ALG9: variants seen among roughly 807,000 people sequenced by gnomAD.
The protein encoded by ALG9 is ALG9 alpha-1,2-mannosyltransferase.
Under a neutral mutation model 81.8 loss-of-function variants are expected in ALG9, and 55 were observed. The observed-to-expected ratio is 0.67, with a 90% CI of 0.54 to 0.84. The LOEUF is 0.84. ALG9 is among the 40% of genes least tolerant of loss of function. ALG9 has a pLI of 0.00. For missense variants in ALG9, 629 were observed against 745.0 expected, an observed-to-expected ratio of 0.84 and a Z score of 1.81; for synonymous variants, 278 against 274.3, an observed-to-expected ratio of 1.01 and a Z score of -0.13.
chr11:111,829,527 T>A (rs1036445009), intron 13 of ALG9, among the ~76,000 whole-genome samples: 1 of 152,186 alleles, frequency 6.6e-6, no homozygotes, highest in Admixed American at 6.5e-5. Context: ...ATCATCAATA[T>A]CACATTGTTT....
chr11:111,786,575 G>A (rs1330406495), intron 14 of ALG9, 55 bp from the exon 15 acceptor site: 1 of 1,567,746 alleles, frequency 6.4e-7, no homozygotes, highest in East Asian at 2.3e-5. Context: ...ATTTACTAAT[G>A]GTACTAAATG....
At chr11:111,773,325 A>G in the ALG9 span, among the ~76,000 whole-genome samples, 1 of 152,002 alleles carries the variant, frequency 6.6e-6, no homozygotes, top group African/African-American at 2.4e-5. Flanking sequence ...GCTCACTGCA[A>G]CTTCCACCTC....
chr11:111,826,886 T>G (rs1337909166), intron 13 of ALG9, among the ~76,000 whole-genome samples: 2 of 152,150 alleles, frequency 1.3e-5, no homozygotes, highest in Non-Finnish European at 2.9e-5. Flanking sequence ...ATTTTCTATC[T>G]CTTTGTTTTT....
chr11:111,868,477 T>C, intron 3 of ALG9, 125 bp downstream of exon 3: 1 of 1,218,318 alleles, frequency 8.2e-7, no homozygotes. Context: ...GTGAATTGGA[T>C]AAATGATTCT....
rs1209262889 is a variant in ALG9 at position 111,787,294 on chromosome 11, A to C, written c.1734-774T>G. 2.6e-5 allele frequency among the ~76,000 whole-genome samples: 4 copies of C among 151,870 alleles called. No individual in the cohort carries two copies. In the South Asian group the frequency reaches 8.4e-4, roughly 32 times the overall value. ...AAAAATACAAAAAAATTAGCCAGGC[A>C]TGGTGGTGCATGCCTGTAATCCCAG... is the stretch of plus-strand genomic sequence containing the variant. On this transcript the variant is annotated intron_variant, in intron 14 of 14. Coordinates refer to ENST00000616540, the MANE Select transcript of ALG9 (RefSeq NM_024740.2).
chr11:111,832,072 C>T, intron 13 of ALG9, among the ~76,000 whole-genome samples: 1 of 152,234 alleles, frequency 6.6e-6, no homozygotes, highest in South Asian at 2.1e-4. Flanking sequence ...TGTTATAAGC[C>T]ACATCCACCC....
At chr11:111,771,805 G>C in the ALG9 span, among the ~76,000 whole-genome samples, 1 of 152,162 alleles carries the variant, frequency 6.6e-6, no homozygotes, top group South Asian at 2.1e-4. Flanking sequence ...TTGTATTTAT[G>C]CAAAGTATGT....
rs201790313 is a variant in ALG9 at position 111,788,579 on chromosome 11, C to CA, written c.1734-2060dup. The CA allele has an allele frequency of 4.8e-3, 1,894 of 395,168 alleles. 106 individuals are homozygous for CA. The Admixed American group carries it at 0.061, about 13-fold the overall frequency. The allele number at this position is 395,168 out of a possible 1,614,324, so 24.5% of individuals were successfully genotyped here. On this transcript the variant is annotated intron_variant, in intron 14 of 14. Coordinates refer to ENST00000616540, the MANE Select transcript of ALG9 (RefSeq NM_024740.2). Reference sequence around the variant, plus strand: ...GGCAACAAATTGAGACCTGTGTTTACAAAAAATGTTTAAAAATTAGCCTGG... The same window carrying CA: ...GGCAACAAATTGAGACCTGTGTTTACAAAAAAATGTTTAAAAATTAGCCTGG...
the ALG9 span, among the ~76,000 whole-genome samples, chr11:111,770,497 G>A: frequency 6.6e-6 from 1 of 151,596 alleles, no homozygotes; most frequent in African/African-American, 2.4e-5. Flanking sequence ...CCCACAGCCT[G>A]AGCAACAAAG....
At position 111,829,575 on chromosome 11, in the gene ALG9, T is replaced by C. The variant is rs183423244; in HGVS notation, c.1602+6590A>G. Among the ~76,000 whole-genome samples, 1,002 of 152,302 alleles carry C rather than the reference T, an allele frequency of 6.6e-3. 6 individuals carry two copies. Among genetic ancestry groups the C allele is most frequent in the Middle Eastern group, 0.051 (15 of 294 alleles). ...CAAGCATATGTTAAGGATAACAATT[T>C]AATACCACTCCAGATGTAAACAAAA... On this transcript the variant is annotated intron_variant, in intron 13 of 14. Coordinates refer to ENST00000616540, the MANE Select transcript of ALG9 (RefSeq NM_024740.2).
chr11:111,776,472 C>A, the ALG9 span, among the ~76,000 whole-genome samples: 1 of 152,160 alleles, frequency 6.6e-6, no homozygotes, highest in Non-Finnish European at 1.5e-5. Flanking sequence ...CCTGTAATCC[C>A]AGCTACTCAG....
chr11:111,808,924 G>A (rs781999288), intron 14 of ALG9, among the ~76,000 whole-genome samples: 3 of 152,138 alleles, frequency 2.0e-5, no homozygotes, highest in Admixed American at 6.5e-5. Flanking sequence ...TGGTCCATTT[G>A]GTCTCTCTAT....
chr11:111,856,564 G>C (rs1555143290), intron 6 of ALG9, among the ~76,000 whole-genome samples: 1 of 150,718 alleles, frequency 6.6e-6, no homozygotes, highest in Non-Finnish European at 1.5e-5. Context: ...CTATCTTTGA[G>C]GATTGAGCTA....
At chr11:111,786,960 A>T (rs1310156910) in intron 14 of ALG9, among the ~76,000 whole-genome samples, 1 of 152,204 alleles carries the variant, frequency 6.6e-6, no homozygotes, top group Non-Finnish European at 1.5e-5. Flanking sequence ...CATCCTGGGT[A>T]CCTGTGCATA....
rs782412841 is a variant in ALG9, at chr11:111,836,282, C to T, written c.1485G>A (p.Gln495=). The T allele has an allele frequency of 3.7e-6, 6 of 1,614,044 alleles. No individual in the cohort carries two copies. The highest frequency in any genetic ancestry group is 2.2e-5 in the South Asian group (2 of 91,070). ...GACCTCTGAACTCTGATGGAATGAACTGAAGCTGCCAACTGTCAGAAACAC... is the reference window on the plus strand; with the variant it reads ...GACCTCTGAACTCTGATGGAATGAATTGAAGCTGCCAACTGTCAGAAACAC... ...SFLLPDNWQL[Q]FIPSEFRGQL... The change falls in exon 13 of 15, where the codon CAG becomes CAA. Residue 495 remains glutamine, a synonymous_variant. Coordinates refer to ENST00000616540, the MANE Select transcript of ALG9 (RefSeq NM_024740.2).
intron 1 of ALG9, chr11:111,871,028 G>C (rs1964143577): frequency 9.3e-7 from 1 of 1,074,634 alleles, no homozygotes; most frequent in African/African-American, 1.7e-5. Flanking sequence ...AAAAGGAGCT[G>C]TGAGGAACAG....
intron 8 of ALG9, among the ~76,000 whole-genome samples, chr11:111,852,576 C>T (rs928468443): frequency 2.0e-5 from 3 of 152,200 alleles, no homozygotes; most frequent in Non-Finnish European, 4.4e-5. Flanking sequence ...ACTTTCTCCC[C>T]AAATGCTGGA....
intron 13 of ALG9, among the ~76,000 whole-genome samples, chr11:111,818,231 T>A (rs150029494): frequency 1.2e-4 from 19 of 152,370 alleles, no homozygotes; most frequent in African/African-American, 4.3e-4. Context: ...GGTACTCAAG[T>A]ACAGTCATGC....
At chr11:111,811,550 A>G (rs1950716707) in intron 13 of ALG9, among the ~76,000 whole-genome samples, 2 of 152,034 alleles carry the variant, frequency 1.3e-5, no homozygotes, top group African/African-American at 2.4e-5. Context: ...CTCAAAAAAA[A>G]AAAAAAAAAA....
Sources: gnomAD v4.1 joint callset for allele counts (sites outside exome capture counted in the v4.1 genomes callset) on GRCh38, gnomAD v4.1.1 for gene constraint, MANE v1.5 for transcripts, NCBI Gene and HGNC (gene_info 2026-07-23, HGNC 2026-07-21) for gene names.